INSR: variants seen among roughly 807,000 people sequenced by gnomAD.
The protein encoded by INSR is insulin receptor, also known as IR.
INSR carries 67 observed loss-of-function variants against 142.6 expected under a neutral mutation model. The ratio of observed to expected loss-of-function variants is 0.47; its 90% CI spans 0.39 to 0.58. The LOEUF (loss-of-function observed/expected upper bound fraction) is 0.58, where lower values mean the gene tolerates loss of function less well. Ranked by LOEUF, INSR falls within the 20% of genes least tolerant of loss-of-function variation. The probability of loss-of-function intolerance (pLI) is 0.00; values close to 1 mark genes in which losing one functional copy is unlikely to be tolerated. For synonymous variants in INSR, 756 were observed against 743.1 expected, an observed-to-expected ratio of 1.02 and a Z score of -0.28; for missense variants, 1,248 against 1,833.2, an observed-to-expected ratio of 0.68 and a Z score of 5.83.
intron 2 of INSR, among the ~76,000 whole-genome samples, chr19:7,238,244 G>C (rs1976223064): frequency 6.6e-6 from 1 of 152,136 alleles, no homozygotes; most frequent in Admixed American, 6.6e-5. Flanking sequence ...AAAGCACCAA[G>C]TTCCTGGACA....
chr19:7,115,565 T>G lies in INSR; in HGVS notation c.*1491A>C, dbSNP rs1225410579. 6.6e-6 allele frequency: 1 copy of G among 152,164 alleles called. No individual in the cohort carries two copies. The highest frequency in any genetic ancestry group is 1.5e-5 in the Non-Finnish European group (1 of 68,034). The allele number at this position is 152,164 out of a possible 1,614,324, so 9.4% of individuals were successfully genotyped here. A position where few individuals can be genotyped will look rare whatever the true frequency, so the allele number is the denominator to read the frequency against. On this transcript the variant is annotated 3_prime_UTR_variant, in exon 22 of 22. Transcript: ENST00000302850. ...CTCTCAGTGCACCTCTCTCTTACAT[T>G]GCTTAGATGTTCCCAAAGTCCATCC...
In INSR at chr19:7,143,780, C is replaced by T. The variant is rs117253575; in HGVS notation, c.2268-690G>A. On this transcript the variant is annotated intron_variant, in intron 11 of 21. Transcript: ENST00000302850. ...GATAAAGAAGAAAATGTAGGCTGGGCGAGGTGGCTCATGCCTATAATCCCA... is the reference window on the plus strand; with the variant it reads ...GATAAAGAAGAAAATGTAGGCTGGGTGAGGTGGCTCATGCCTATAATCCCA... 6.5e-3 allele frequency among the ~76,000 whole-genome samples: 992 copies of T among 152,146 alleles called. 7 individuals carry two copies. Among genetic ancestry groups the T allele is most frequent in the East Asian group, 0.042 (215 of 5,178 alleles).
intron 15 of INSR, 118 bp from the exon 16 acceptor site, chr19:7,126,769 C>A: frequency 3.3e-6 from 3 of 921,214 alleles, no homozygotes; most frequent in Non-Finnish European, 5.2e-6. Flanking sequence ...TCCCCATAAT[C>A]CTAGATGCAG....
At chr19:7,261,250 G>A (rs1031436983) in intron 2 of INSR, among the ~76,000 whole-genome samples, 9 of 152,058 alleles carry the variant, frequency 5.9e-5, no homozygotes, top group South Asian at 2.1e-4. Context: ...TGGTTTGATC[G>A]TGAACATCTG....
chr19:7,125,823 T>C lies in INSR; in HGVS notation c.3014-296A>G, dbSNP rs866214625. Among the ~76,000 whole-genome samples, 2 of 152,144 alleles carry C rather than the reference T, an allele frequency of 1.3e-5. No homozygotes were observed. Among genetic ancestry groups the C allele is most frequent in the Middle Eastern group, 3.4e-3 (1 of 292 alleles). ...CTTGTCTGATTTCAGACCCTTGCTATGGAATGATGCTACTTCCCACCTGAG... is the reference window on the plus strand; with the variant it reads ...CTTGTCTGATTTCAGACCCTTGCTACGGAATGATGCTACTTCCCACCTGAG... On this transcript the variant is annotated intron_variant, in intron 16 of 21. Coordinates refer to ENST00000302850, the MANE Select transcript of INSR (RefSeq NM_000208.4). The surrounding 1 kb of genome is among the most constrained non-coding windows in gnomAD (Gnocchi z 4.9).
At position 7,267,221 on chromosome 19, in the gene INSR, G is replaced by A. The variant is rs931120004; in HGVS notation, c.652+124C>T. 4 of 985,028 alleles carry A rather than the reference G, an allele frequency of 4.1e-6. No individual in the cohort carries two copies. The highest frequency in any genetic ancestry group is 4.1e-5 in the South Asian group (3 of 74,012). The allele number at this position is 985,028 out of a possible 1,614,324, so 61.0% of individuals were successfully genotyped here. On this transcript the variant is annotated intron_variant, in intron 2 of 21. Coordinates refer to ENST00000302850, the MANE Select transcript of INSR (RefSeq NM_000208.4). This position sits in a 1 kb window ranked among gnomAD's most constrained non-coding sequence, Gnocchi z 6.3. ...TCTGCCACTCCCTGGGCTAGTGAAT[G>A]CCACCACCCACTATTCCCCGGCCCC...
intron 9 of INSR, among the ~76,000 whole-genome samples, chr19:7,160,359 G>A (rs1179202441): frequency 2.0e-5 from 3 of 151,782 alleles, no homozygotes; most frequent in Non-Finnish European, 2.9e-5. Context: ...ATTGGCCAGG[G>A]TGGTCTCAAA....
chr19:7,262,475 A>T (rs1039399704), intron 2 of INSR, among the ~76,000 whole-genome samples: 4 of 152,216 alleles, frequency 2.6e-5, no homozygotes, highest in African/African-American at 4.8e-5. Context: ...TCCGTCTCAA[A>T]AAATAAATAA....
chr19:7,278,384 C>G (rs755567763), intron 1 of INSR, among the ~76,000 whole-genome samples: 9 of 152,154 alleles, frequency 5.9e-5, no homozygotes, highest in Non-Finnish European at 7.3e-5. Flanking sequence ...GCCCTGGGAC[C>G]TAAAAGCAAA....
chr19:7,149,922 A>G, intron 11 of INSR, among the ~76,000 whole-genome samples: 1 of 143,068 alleles, frequency 7.0e-6, no homozygotes, highest in African/African-American at 2.6e-5. Context: ...AGAAAGAAAG[A>G]AGGAAAAAAA....
rs1028012049 is a variant in INSR, at chr19:7,166,571, T to G, written c.1611-167A>C. Reference sequence around the variant, plus strand: ...CGGGAACAGCCAAAGAGAAAGGAACTGTCAACCCTGACATCTCAATGAAAA... The same window carrying G: ...CGGGAACAGCCAAAGAGAAAGGAACGGTCAACCCTGACATCTCAATGAAAA... On this transcript the variant is annotated intron_variant, in intron 7 of 21. Transcript: ENST00000302850. The surrounding 1 kb of genome is among the most constrained non-coding windows in gnomAD (Gnocchi z 4.1). 6.6e-6 allele frequency among the ~76,000 whole-genome samples: 1 copy of G among 152,150 alleles called. No individual in the cohort carries two copies. The highest frequency in any genetic ancestry group is 1.5e-5 in the Non-Finnish European group (1 of 68,020).
chr19:7,221,606 G>T lies in INSR; in HGVS notation c.653-36969C>A, dbSNP rs145256101. Among the ~76,000 whole-genome samples the T allele has an allele frequency of 9.9e-5, 15 of 152,016 alleles. No homozygotes were observed. The South Asian group carries it at 1.7e-3, about 17-fold the overall frequency. ...GTCTGTAATCCCAGCTACTTGGGAC[G>T]CTGAGGCAGGAGAATCGCTTGAACC... On this transcript the variant is annotated intron_variant, in intron 2 of 21. Transcript: ENST00000302850.
At chr19:7,237,057 T>C (rs1030850012) in intron 2 of INSR, among the ~76,000 whole-genome samples, 1 of 150,942 alleles carries the variant, frequency 6.6e-6, no homozygotes, top group Non-Finnish European at 1.5e-5. Context: ...ACAATAGACT[T>C]TGGGGACTCA....
chr19:7,123,568 G>A (rs933106170), intron 17 of INSR, among the ~76,000 whole-genome samples: 1 of 151,986 alleles, frequency 6.6e-6, no homozygotes, highest in African/African-American at 2.4e-5. Flanking sequence ...ATACACCCCT[G>A]TCCAACCCTC....
At chr19:7,248,141 TA>T (rs2096234255) in intron 2 of INSR, among the ~76,000 whole-genome samples, 2 of 151,404 alleles carry the variant, frequency 1.3e-5, no homozygotes, top group African/African-American at 4.8e-5. Context: ...TTTTATTTTT[TA>T]TTTTTTATTT....
rs1301184201 is a variant in INSR, at chr19:7,195,919, TTTCTTTTC to T, written c.653-11290_653-11283del. Among the ~76,000 whole-genome samples, 294 of 90,644 alleles carry T rather than the reference TTTCTTTTC, an allele frequency of 3.2e-3. 5 individuals are homozygous for T. The East Asian group carries it at 0.058, about 18-fold the overall frequency. The allele number at this position is 90,644 out of a possible 152,430, so 59.5% of individuals were successfully genotyped here. A position where few individuals can be genotyped will look rare whatever the true frequency, so the allele number is the denominator to read the frequency against. ...ACCATCATTATGTAAGAGAACTTTC[TTTCTTTTC>T]TTTCTTTTTTTTTTTTTTTTTGTTT... On this transcript the variant is annotated intron_variant, in intron 2 of 21. Coordinates refer to ENST00000302850, the MANE Select transcript of INSR (RefSeq NM_000208.4).
chr19:7,149,363 A>C (rs978165460), intron 11 of INSR, among the ~76,000 whole-genome samples: 4 of 152,178 alleles, frequency 2.6e-5, no homozygotes, highest in African/African-American at 7.2e-5. Flanking sequence ...CTGCTAAAGG[A>C]AGAAAATCTC....
In INSR at chr19:7,184,390, G is replaced by A; in HGVS notation, c.900C>T (p.Gly300=). 1 of 1,614,096 alleles carries A rather than the reference G, an allele frequency of 6.2e-7. No homozygotes were observed. Among genetic ancestry groups the A allele is most frequent in the Non-Finnish European group, 8.5e-7 (1 of 1,180,032 alleles). The change falls in exon 3 of 22, where the codon GGC becomes GGT. Residue 300 remains glycine, a synonymous_variant. Coordinates refer to ENST00000302850, the MANE Select transcript of INSR (RefSeq NM_000208.4). ...HHKCKNSRRQ[G]CHQYVIHNNK... ...TGTTGTGAATGACGTACTGGTGGCA[G>A]CCCTGCCTCCGCGAGTTCTTGCATT... is the stretch of plus-strand genomic sequence containing the variant.
intron 13 of INSR, among the ~76,000 whole-genome samples, chr19:7,136,944 T>G (rs1432865619): frequency 6.6e-6 from 1 of 151,712 alleles, no homozygotes; most frequent in Non-Finnish European, 1.5e-5. Context: ...GTGATTCTCT[T>G]GTCTTAGCCT....
Sources: gnomAD v4.1 joint callset for allele counts (sites outside exome capture counted in the v4.1 genomes callset) on GRCh38, gnomAD v4.1.1 for gene constraint, Gnocchi (gnomAD v3.1) non-coding constraint, MANE v1.5 for transcripts, NCBI Gene and HGNC (gene_info 2026-07-23, HGNC 2026-07-21) for gene names.